TRPC4: variants seen among roughly 807,000 people sequenced by gnomAD.
The protein encoded by TRPC4 is short transient receptor potential channel 4.
Under a neutral mutation model 99.4 loss-of-function variants are expected in TRPC4, and 49 were observed. The ratio of observed to expected loss-of-function variants is 0.49; its 90% confidence interval spans 0.39 to 0.63. TRPC4 has a LOEUF of 0.63. TRPC4 is among the 20% of genes least tolerant of loss of function. TRPC4 has a pLI of 0.00. For synonymous variants in TRPC4, 454 were observed against 425.9 expected (o/e 1.07, Z -0.81); for missense variants, 898 against 1,152.9 (o/e 0.78, Z 3.20).
intron 1 of TRPC4, among the ~76,000 whole-genome samples, chr13:37,827,721 TTTTG>T (rs1958278273): frequency 6.6e-6 from 1 of 152,118 alleles, no homozygotes; most frequent in South Asian, 2.1e-4. Context: ...ACTGCTGTCT[TTTTG>T]TTTGTCTGTG....
intron 1 of TRPC4, among the ~76,000 whole-genome samples, chr13:37,807,638 AC>A (rs1957560738): frequency 6.6e-6 from 1 of 151,968 alleles, no homozygotes. Flanking sequence ...TGTGCTCTGG[AC>A]CCACTCTAAA....
chr13:37,868,634 A>AC (rs1959937599), intron 1 of TRPC4, among the ~76,000 whole-genome samples: 1 of 149,458 alleles, frequency 6.7e-6, no homozygotes, highest in Admixed American at 6.7e-5. Context: ...AAGTCTGTCT[A>AC]TTTTTTTTTT....
At chr13:37,775,676 A>C (rs1484293241) in intron 2 of TRPC4, among the ~76,000 whole-genome samples, 1 of 151,110 alleles carries the variant, frequency 6.6e-6, no homozygotes, top group Non-Finnish European at 1.5e-5. Context: ...AGACTACATG[A>C]CTCAGTTTCT....
At chr13:37,747,257 C>A (rs1407803491) in intron 2 of TRPC4, among the ~76,000 whole-genome samples, 1 of 152,060 alleles carries the variant, frequency 6.6e-6, no homozygotes, top group African/African-American at 2.4e-5. Context: ...TAACCCTCAC[C>A]CTTTATTATT....
intron 1 of TRPC4, among the ~76,000 whole-genome samples, chr13:37,861,659 G>T (rs571243283): frequency 1.6e-4 from 25 of 151,654 alleles, no homozygotes; most frequent in African/African-American, 4.6e-4. Context: ...TTCCAAGAAC[G>T]TGCTGGAGTG....
chr13:37,857,807 A>C (rs1338165949), intron 1 of TRPC4, among the ~76,000 whole-genome samples: 1 of 151,788 alleles, frequency 6.6e-6, no homozygotes, highest in Non-Finnish European at 1.5e-5. Flanking sequence ...CAAACTATAA[A>C]ACCACTGCAA....
intron 1 of TRPC4, among the ~76,000 whole-genome samples, chr13:37,830,387 TTATTTAA>T (rs1231423635): frequency 1.3e-5 from 2 of 152,074 alleles, no homozygotes; most frequent in African/African-American, 2.4e-5. Context: ...TTATTATTTA[TTATTTAA>T]TATTATTTAA....
rs2139596937 is a variant in TRPC4, at chr13:37,831,999, T to C, written c.-28+37596A>G. On this transcript the variant is annotated intron_variant, in intron 1 of 10. Transcript: ENST00000379705. ...AACATGTTGACTATATTTTACAATG[T>C]GTTGTATATTTCAAAATCAATAAAA... 1.3e-5 allele frequency among the ~76,000 whole-genome samples: 2 copies of C among 152,246 alleles called. 1 individual carries two copies. The highest frequency in any genetic ancestry group is 6.8e-3 in the Middle Eastern group (2 of 294).
In TRPC4 at chr13:37,718,121, G is replaced by T. The variant is rs552894789; in HGVS notation, c.898-25786C>A. Among the ~76,000 whole-genome samples, 6 of 152,020 alleles carry T rather than the reference G, an allele frequency of 3.9e-5. No individual in the cohort carries two copies. The South Asian group carries it at 1.2e-3, about 32-fold the overall frequency. On this transcript the variant is annotated intron_variant, in intron 3 of 10. Transcript: ENST00000379705. ...AACCACAACTGCTAGAAAATGAAGA[G>T]AGAATTCCATAAAAGAGGGAGTCAG... is the stretch of plus-strand genomic sequence containing the variant.
At chr13:37,763,237 G>C (rs1655633188) in intron 2 of TRPC4, among the ~76,000 whole-genome samples, 1 of 151,606 alleles carries the variant, frequency 6.6e-6, no homozygotes, top group Admixed American at 6.6e-5. Context: ...GGAAGGACCA[G>C]TAAAAGATAT....
chr13:37,751,163 T>C (rs568611247), intron 2 of TRPC4, among the ~76,000 whole-genome samples: 1 of 152,066 alleles, frequency 6.6e-6, no homozygotes, highest in East Asian at 1.9e-4. Flanking sequence ...GCAGAGAGGA[T>C]GGACAGGGCC....
At chr13:37,861,099 T>C (rs1324108693) in intron 1 of TRPC4, among the ~76,000 whole-genome samples, 1 of 151,510 alleles carries the variant, frequency 6.6e-6, no homozygotes, top group Non-Finnish European at 1.5e-5. Context: ...CCAGAAGCAT[T>C]ATAAGAAAGT....
At chr13:37,656,238 A>G (rs1952231997) in intron 6 of TRPC4, among the ~76,000 whole-genome samples, 2 of 152,184 alleles carry the variant, frequency 1.3e-5, no homozygotes, top group Non-Finnish European at 2.9e-5. Flanking sequence ...ACATTAATAT[A>G]GTGTAATAAA....
At position 37,637,396 on chromosome 13, in the gene TRPC4, C is replaced by G. The variant is rs754499607; in HGVS notation, c.2441G>C (p.Arg814Thr). The G allele has an allele frequency of 1.2e-6, 2 of 1,613,468 alleles. No individual in the cohort carries two copies. The highest frequency in any genetic ancestry group is 1.3e-5 in the African/African-American group (1 of 74,810). ...HPRSAAIASE[R>T]HNISNGSALV... is the part of the protein sequence containing the mutation. ...GGCAGAGCCATTGCTTATGTTATGT[C>G]TTTCAGAGGCAATTGCTGCTGATCT... Residue 814 changes from arginine (R) to threonine (T), a missense_variant, in exon 11 of 11, where the codon AGA (arginine) becomes ACA (threonine). Arg to Thr is a moderately conservative substitution (Grantham distance 71). Around this residue, in one of 3 missense-constraint regions of TRPC4, gnomAD observed 346 missense variants for 351.4 expected, o/e 0.98. Transcript: ENST00000379705.
rs574050378 is a variant in TRPC4, at chr13:37,699,431, GATA to G, written c.898-7099_898-7097del. 5.3e-4 allele frequency among the ~76,000 whole-genome samples: 80 copies of G among 152,254 alleles called. No individual in the cohort carries two copies. The Middle Eastern group carries it at 0.014, about 26-fold the overall frequency. On this transcript the variant is annotated intron_variant, in intron 3 of 10. Coordinates refer to ENST00000379705, the MANE Select transcript of TRPC4 (RefSeq NM_016179.4). ...TTATGCAAGGAAATTACATTCAGAA[GATA>G]ATAATAACTGAAGCATAAGGGAATA...
At chr13:37,701,836 CATAAA>C (rs1245224376) in intron 3 of TRPC4, among the ~76,000 whole-genome samples, 1 of 152,176 alleles carries the variant, frequency 6.6e-6, no homozygotes, top group Admixed American at 6.5e-5. Context: ...ATGTTTTATA[CATAAA>C]CTATATCTCC....
At chr13:37,742,312 A>T (rs1955615961) in intron 3 of TRPC4, among the ~76,000 whole-genome samples, 1 of 152,170 alleles carries the variant, frequency 6.6e-6, no homozygotes, top group Admixed American at 6.6e-5. Flanking sequence ...GGAATCTGTT[A>T]TTAGGAGATT....
chr13:37,851,418 T>C (rs1212784286), intron 1 of TRPC4, among the ~76,000 whole-genome samples: 1 of 152,188 alleles, frequency 6.6e-6, no homozygotes, highest in African/African-American at 2.4e-5. Context: ...AGCCTCAGAC[T>C]TTCTACTAAA....
At chr13:37,639,884 T>C (rs1184979694) in intron 8 of TRPC4, among the ~76,000 whole-genome samples, 2 of 151,908 alleles carry the variant, frequency 1.3e-5, no homozygotes, top group African/African-American at 2.4e-5. Flanking sequence ...AAAAATTAAA[T>C]GTGAGTCCCA....
Sources: allele counts gnomAD v4.1 joint callset (sites outside exome capture counted in the v4.1 genomes callset), GRCh38; gene constraint gnomAD v4.1.1; regional missense constraint gnomAD v4.1.1; transcripts MANE v1.5; gene names NCBI Gene and HGNC (gene_info 2026-07-23, HGNC 2026-07-21).